Variants in TMEM178B observed in about 807,000 individuals in gnomAD.
The protein encoded by TMEM178B is transmembrane protein 178B.
A neutral mutation model predicts 31.0 loss-of-function variants in TMEM178B; 5 were observed. That is an observed-to-expected ratio of 0.16 (90% confidence interval 0.08 to 0.34). The LOEUF is 0.34. TMEM178B is among the 10% of genes least tolerant of loss of function. TMEM178B has a pLI of 1.00. For synonymous variants in TMEM178B, 164 were observed against 164.0 expected, an observed-to-expected ratio of 1.00 and a Z score of 0.00; for missense variants, 275 against 400.3, an observed-to-expected ratio of 0.69 and a Z score of 2.67.
chr7:141,377,662 A>C (rs986635427), intron 2 of TMEM178B, among the ~76,000 whole-genome samples: 1 of 152,106 alleles, frequency 6.6e-6, no homozygotes, highest in African/African-American at 2.4e-5. Flanking sequence ...CAAAGAGTGA[A>C]ACTCCATCTT....
chr7:141,208,878 C>T (rs913387568), intron 1 of TMEM178B, among the ~76,000 whole-genome samples: 2 of 152,242 alleles, frequency 1.3e-5, no homozygotes. Context: ...ACCAATCTGG[C>T]CATTCCCAGT....
intron 3 of TMEM178B, among the ~76,000 whole-genome samples, chr7:141,460,756 G>A (rs888370302): frequency 7.2e-5 from 11 of 152,154 alleles, no homozygotes; most frequent in Non-Finnish European, 1.2e-4. Context: ...CTTGACTCCC[G>A]AGTTCCACTC....
intron 2 of TMEM178B, among the ~76,000 whole-genome samples, chr7:141,418,706 C>T (rs1337955881): frequency 6.6e-6 from 1 of 152,118 alleles, no homozygotes; most frequent in Admixed American, 6.5e-5. Context: ...TTCCATCTCT[C>T]GAAAAGCAGG....
intron 1 of TMEM178B, among the ~76,000 whole-genome samples, chr7:141,141,643 A>G (rs1795769926): frequency 6.6e-6 from 1 of 152,196 alleles, no homozygotes; most frequent in Non-Finnish European, 1.5e-5. Flanking sequence ...CCCTCAATCA[A>G]CATTTGTTGA....
intron 1 of TMEM178B, among the ~76,000 whole-genome samples, chr7:141,164,363 C>T (rs1796227777): frequency 6.6e-6 from 1 of 151,956 alleles, no homozygotes; most frequent in South Asian, 2.1e-4. Context: ...AGTATTTTAC[C>T]CTGACTTTTA....
intron 2 of TMEM178B, among the ~76,000 whole-genome samples, chr7:141,368,145 C>A (rs1406549867): frequency 6.6e-6 from 1 of 152,102 alleles, no homozygotes; most frequent in Non-Finnish European, 1.5e-5. Context: ...ATGGTGAAAC[C>A]CCATCTGCAC....
intron 1 of TMEM178B, among the ~76,000 whole-genome samples, chr7:141,192,678 A>T (rs760851183): frequency 1.3e-5 from 2 of 152,078 alleles, no homozygotes; most frequent in Non-Finnish European, 2.9e-5. Context: ...GTTAGCCAGG[A>T]TGGTCTCGAT....
In TMEM178B at chr7:141,325,089, C is replaced by T. The variant is rs181955227; in HGVS notation, c.496+112385C>T. ...GCTCTTAGTGATAAGGGAAGGAGGC[C>T]AGGAAAATGTATGATCTATAAATAG... On this transcript the variant is annotated intron_variant, in intron 2 of 3. Coordinates refer to ENST00000565468, the MANE Select transcript of TMEM178B (RefSeq NM_001195278.2). Among the ~76,000 whole-genome samples, 146 of 152,130 alleles carry T rather than the reference C, an allele frequency of 9.6e-4. 1 individual carries two copies. The highest frequency in any genetic ancestry group is 7.1e-3 in the Admixed American group (109 of 15,286).
chr7:141,128,553 GC>G (rs1258369847), intron 1 of TMEM178B, among the ~76,000 whole-genome samples: 2 of 150,810 alleles, frequency 1.3e-5, no homozygotes, highest in African/African-American at 4.9e-5. Context: ...AAAAAAAAAA[GC>G]TCCAAAATAT....
chr7:141,234,788 C>T (rs1003926626), intron 2 of TMEM178B, among the ~76,000 whole-genome samples: 1 of 152,178 alleles, frequency 6.6e-6, no homozygotes, highest in South Asian at 2.1e-4. Context: ...AGAGGACAGG[C>T]CAAGAAGAGA....
intron 1 of TMEM178B, among the ~76,000 whole-genome samples, chr7:141,197,880 A>G (rs1586820988): frequency 6.6e-6 from 1 of 152,068 alleles, no homozygotes; most frequent in African/African-American, 2.4e-5. Context: ...TGATCCACCA[A>G]CCTCGGCCTC....
At chr7:141,350,060 T>C (rs1799692292) in intron 2 of TMEM178B, among the ~76,000 whole-genome samples, 1 of 152,116 alleles carries the variant, frequency 6.6e-6, no homozygotes, top group African/African-American at 2.4e-5. Flanking sequence ...TCTAGTAAGA[T>C]TGAGTGCCTC....
chr7:141,224,461 A>G (rs1161746738), intron 2 of TMEM178B, among the ~76,000 whole-genome samples: 1 of 152,204 alleles, frequency 6.6e-6, no homozygotes, highest in Non-Finnish European at 1.5e-5. Context: ...TGCCCCAGCC[A>G]TTTTCGGGGT....
chr7:141,432,154 T>A (rs2116671392), intron 2 of TMEM178B, among the ~76,000 whole-genome samples: 1 of 71,384 alleles, frequency 1.4e-5, no homozygotes, highest in Middle Eastern at 6.3e-3. Context: ...ATCTTTTTTT[T>A]TTTTTTTTTT....
chr7:141,141,175 G>A (rs1157451883), intron 1 of TMEM178B, among the ~76,000 whole-genome samples: 2 of 152,038 alleles, frequency 1.3e-5, no homozygotes, highest in Non-Finnish European at 2.9e-5. Context: ...TTACACTTTA[G>A]GTTATAATTC....
chr7:141,167,751 C>T (rs1000750174), intron 1 of TMEM178B, among the ~76,000 whole-genome samples: 6 of 152,190 alleles, frequency 3.9e-5, no homozygotes, highest in Admixed American at 1.3e-4. Context: ...TTTTAAGGCC[C>T]TGTAAAGGAA....
At chr7:141,485,283 A>C (rs1488850475), downstream of TMEM178B, among the ~76,000 whole-genome samples, 1 of 152,202 alleles carries the variant, frequency 6.6e-6, no homozygotes, top group African/African-American at 2.4e-5. Context: ...TAGATTGCAA[A>C]GATTTCATTC....
At chr7:141,316,490 G>A (rs933719190) in intron 2 of TMEM178B, among the ~76,000 whole-genome samples, 2 of 152,120 alleles carry the variant, frequency 1.3e-5, no homozygotes, top group African/African-American at 4.8e-5. Context: ...GTGAATCAGA[G>A]CAGTGATCTA....
At chr7:141,209,880 T>C (rs1052237302) in intron 1 of TMEM178B, among the ~76,000 whole-genome samples, 1 of 151,644 alleles carries the variant, frequency 6.6e-6, no homozygotes, top group African/African-American at 2.4e-5. Context: ...CAGGGTAAGG[T>C]GGGAGGTTCA....
Sources: gnomAD v4.1 joint callset for allele counts (sites outside exome capture counted in the v4.1 genomes callset) on GRCh38, gnomAD v4.1.1 for gene constraint, MANE v1.5 for transcripts, NCBI Gene and HGNC (gene_info 2026-07-23, HGNC 2026-07-21) for gene names.